The following SHISA9 variants were observed in gnomAD, a reference collection of about 807,000 sequenced individuals.
The protein encoded by SHISA9 is shisa family member 9, also known as protein shisa-9.
Under a neutral mutation model 38.0 loss-of-function variants are expected in SHISA9, and 13 were observed. That is an observed-to-expected ratio of 0.34 (90% CI 0.22 to 0.54). The LOEUF (loss-of-function observed/expected upper bound fraction) is 0.54. SHISA9 is among the 20% of genes least tolerant of loss of function. The pLI is 0.91. For missense variants in SHISA9, 538 were observed against 575.8 expected (o/e 0.93, Z 0.67); for synonymous variants, 275 against 242.0 (o/e 1.14, Z -1.27).
chr16:13,031,105 G>A (rs925048228), intron 2 of SHISA9, among the ~76,000 whole-genome samples: 2 of 152,286 alleles, frequency 1.3e-5, no homozygotes, highest in South Asian at 2.1e-4. Context: ...GGCCAAACCA[G>A]GTCCCGCGGG....
chr16:12,905,551 A>C (rs1174293033), intron 1 of SHISA9, among the ~76,000 whole-genome samples: 5 of 151,742 alleles, frequency 3.3e-5, no homozygotes, highest in African/African-American at 1.2e-4. Flanking sequence ...AAATTAATCC[A>C]GGAGAAAGGA....
chr16:13,403,655 T>A, the SHISA9 span, among the ~76,000 whole-genome samples: 1 of 152,296 alleles, frequency 6.6e-6, no homozygotes, highest in African/African-American at 2.4e-5. Flanking sequence ...CACTTATGCC[T>A]CCACAAGGAG....
intron 2 of SHISA9, among the ~76,000 whole-genome samples, chr16:13,190,744 A>G (rs1330663168): frequency 6.6e-6 from 1 of 152,214 alleles, no homozygotes; most frequent in Non-Finnish European, 1.5e-5. Context: ...GCCTGCATAA[A>G]AACTGGCTGA....
Position 13,156,465 on chromosome 16 carries a change from T to G in SHISA9, c.692-46929T>G, listed in dbSNP as rs1344006650. Among the ~76,000 whole-genome samples the G allele has an allele frequency of 2.0e-5, 3 of 152,192 alleles. No individual in the cohort carries two copies. In the East Asian group the frequency reaches 5.8e-4, roughly 29 times the overall value. On this transcript the variant is annotated intron_variant, in intron 2 of 4. Coordinates refer to ENST00000558583, the MANE Select transcript of SHISA9 (RefSeq NM_001145204.3). ...AAATTACTTCCTTGGCCAGGCATGG[T>G]GGCTCACGCCTGTAATCCCAGCACT...
chr16:13,235,155 G>A lies in SHISA9; in HGVS notation c.1021G>A (p.Gly341Ser), dbSNP rs1314619665. ...DEPRAFSPEHGPAKQNGQKSR... is the reference protein window; with the variant it reads ...DEPRAFSPEHSPAKQNGQKSR... ...GCCCCGGGCCTTCAGCCCTGAGCAC[G>A]GTCCTGCCAAGCAGAATGGACAGAA... Residue 341 changes from glycine (G) to serine (S), a missense_variant, in exon 5 of 5, where the codon GGT becomes AGT. By Grantham distance (56) the Gly-to-Ser change is moderately conservative. Transcript: ENST00000558583. The A allele has an allele frequency of 5.8e-6, 9 of 1,551,562 alleles. No homozygotes were observed. The highest frequency in any genetic ancestry group is 2.4e-5 in the East Asian group (1 of 40,910).
chr16:13,154,411 C>T (rs541610389), intron 2 of SHISA9, among the ~76,000 whole-genome samples: 8 of 152,142 alleles, frequency 5.3e-5, no homozygotes, highest in Non-Finnish European at 7.3e-5. Context: ...AGAAATGTAG[C>T]GGATCTCTTC....
At chr16:13,164,424 G>T (rs1369689912) in intron 2 of SHISA9, among the ~76,000 whole-genome samples, 2 of 152,008 alleles carry the variant, frequency 1.3e-5, no homozygotes, top group African/African-American at 4.8e-5. Context: ...GTTTTTGATG[G>T]ACATTGGTCT....
At chr16:13,549,055 TA>T in the SHISA9 span, among the ~76,000 whole-genome samples, 2 of 152,220 alleles carry the variant, frequency 1.3e-5, no homozygotes, top group Non-Finnish European at 2.9e-5. Context: ...AAATTCCTGT[TA>T]TTTGCAGCAA....
At chr16:12,969,468 G>A (rs2072026445) in intron 2 of SHISA9, among the ~76,000 whole-genome samples, 1 of 152,004 alleles carries the variant, frequency 6.6e-6, no homozygotes, top group Admixed American at 6.6e-5. Flanking sequence ...TCCAGGCGGG[G>A]TGCAGTGGCT....
At chr16:13,173,849 A>G (rs755703695) in intron 2 of SHISA9, among the ~76,000 whole-genome samples, 1 of 152,200 alleles carries the variant, frequency 6.6e-6, no homozygotes, top group Non-Finnish European at 1.5e-5. Flanking sequence ...AGAGTGGTTG[A>G]GCATCTCACC....
chr16:12,971,771 A>T (rs1416123437), intron 2 of SHISA9, among the ~76,000 whole-genome samples: 1 of 152,164 alleles, frequency 6.6e-6, no homozygotes, highest in East Asian at 1.9e-4. Context: ...AAGTAAGGAA[A>T]ATCCTGCAGA....
chr16:13,109,652 C>A (rs995915849), intron 2 of SHISA9, among the ~76,000 whole-genome samples: 1 of 152,100 alleles, frequency 6.6e-6, no homozygotes, highest in African/African-American at 2.4e-5. Flanking sequence ...TTTTTTGTCA[C>A]CCCAATAAGA....
chr16:13,400,072 A>G, the SHISA9 span, among the ~76,000 whole-genome samples: 1 of 152,198 alleles, frequency 6.6e-6, no homozygotes, highest in African/African-American at 2.4e-5. Flanking sequence ...GTGAGTACTT[A>G]TTACTTTTAC....
At chr16:13,378,518 C>T in the SHISA9 span, among the ~76,000 whole-genome samples, 2 of 152,306 alleles carry the variant, frequency 1.3e-5, no homozygotes, top group Admixed American at 1.3e-4. Flanking sequence ...CCGTGGTCTA[C>T]TTGACCAGCC....
the SHISA9 span, among the ~76,000 whole-genome samples, chr16:13,296,235 C>T: frequency 2.6e-5 from 4 of 150,958 alleles, no homozygotes; most frequent in South Asian, 8.4e-4. Context: ...TTTTTCTCTG[C>T]AACATTCCCC....
At chr16:13,358,104 A>C in the SHISA9 span, among the ~76,000 whole-genome samples, 1 of 152,070 alleles carries the variant, frequency 6.6e-6, no homozygotes, top group African/African-American at 2.4e-5. Context: ...AAAAGAGAGA[A>C]TCTTCCTTCA....
At chr16:13,510,071 C>T in the SHISA9 span, among the ~76,000 whole-genome samples, 567 of 152,094 alleles carry the variant, frequency 3.7e-3, 3 homozygotes, top group African/African-American at 0.013. Context: ...TTTGGGAGGC[C>T]GAGGTGGGCA....
rs775914951 is a variant in SHISA9 at position 12,902,144 on chromosome 16, C to A, written c.80C>A (p.Ala27Glu). 2.6e-6 allele frequency: 4 copies of A among 1,516,328 alleles called. No individual in the cohort carries two copies. Among genetic ancestry groups the A allele is most frequent in the South Asian group, 2.4e-5 (2 of 82,246 alleles). 93.9% of individuals were successfully genotyped at this position (1,516,328 alleles called of 1,614,324 possible). A position where few individuals can be genotyped will look rare whatever the true frequency, so the allele number is the denominator to read the frequency against. Residue 27 changes from alanine (A) to glutamate (E), a missense_variant, in exon 1 of 5, where the codon GCG (alanine) becomes GAG (glutamate). Transcript: ENST00000558583. ...CGCGTGTGCCGGGCGCAGGAGCGAG[C>A]GGGACACGGGCAGCTGGCGCAACTG... ...CARVCRAQERAGHGQLAQLGG... is the reference protein window; with the variant it reads ...CARVCRAQEREGHGQLAQLGG...
intron 4 of SHISA9, among the ~76,000 whole-genome samples, chr16:13,232,676 T>C (rs1408285128): frequency 2.0e-5 from 3 of 152,082 alleles, no homozygotes; most frequent in Non-Finnish European, 2.9e-5. Flanking sequence ...TCCAGAAAAA[T>C]GGGACAATTC....
Sources: allele counts gnomAD v4.1 joint callset (sites outside exome capture counted in the v4.1 genomes callset), GRCh38; gene constraint gnomAD v4.1.1; transcripts MANE v1.5; gene names NCBI Gene and HGNC (gene_info 2026-07-23, HGNC 2026-07-21).